The following PARL variants were observed in gnomAD, a reference collection of about 807,000 sequenced individuals.
The protein encoded by PARL is presenilin associated rhomboid like.
In PARL, 44 loss-of-function variants were observed where a neutral mutation model predicts 51.6. That is an observed-to-expected ratio of 0.85 (90% CI 0.67 to 1.10). The LOEUF is 1.10. Ranked by LOEUF, PARL falls within the 50% of genes least tolerant of loss-of-function variation. PARL has a pLI of 0.00. For missense variants in PARL, 441 were observed against 469.5 expected (o/e 0.94, Z 0.56); for synonymous variants, 172 against 164.0 (o/e 1.05, Z -0.37).
At chr3:183,880,547 G>A (rs570518315) in intron 1 of PARL, among the ~76,000 whole-genome samples, 59 of 151,744 alleles carry the variant, frequency 3.9e-4, no homozygotes, top group Middle Eastern at 6.8e-3. Context: ...GATTACAGGC[G>A]CCTGCCACCA....
At position 183,878,777 on chromosome 3, in the gene PARL, G is replaced by A. The variant is rs528408026; in HGVS notation, c.125+5945C>T. 9.2e-5 allele frequency among the ~76,000 whole-genome samples: 14 copies of A among 152,236 alleles called. No homozygotes were observed. In the South Asian group the frequency reaches 1.5e-3, roughly 16 times the overall value. ...TGAGATTTTGCATATCTAAACAAGC[G>A]CCTAAATTAGGGGTTGTCAAACTGC... On this transcript the variant is annotated intron_variant, in intron 1 of 9. Transcript: ENST00000317096.
At chr3:183,874,411 C>CT (rs71629997) in intron 1 of PARL, among the ~76,000 whole-genome samples, 76,345 of 140,850 alleles carry the variant, frequency 0.54, 20,915 homozygotes, top group Middle Eastern at 0.6. Flanking sequence ...TAGAAATAAT[C>CT]TTTTTTTTTT....
chr3:183,855,870 G>T (rs1046175874), intron 4 of PARL, among the ~76,000 whole-genome samples: 1 of 150,698 alleles, frequency 6.6e-6, no homozygotes, highest in South Asian at 2.1e-4. Context: ...TAAGGCAGGA[G>T]AATCACCTGA....
chr3:183,829,567 C>T lies in PARL; in HGVS notation c.*31G>A, dbSNP rs754728610. ...TCCTGGGGCTCTCAGGCGGCAAGGA[C>T]CAGATGCACCACTACTGTCCAATCC... On this transcript the variant is annotated 3_prime_UTR_variant, in exon 10 of 10. Transcript: ENST00000317096. 6.6e-5 allele frequency: 106 copies of T among 1,614,188 alleles called. No individual in the cohort carries two copies. In the Middle Eastern group the frequency reaches 3.0e-3, roughly 45 times the overall value.
chr3:183,833,882 T>C (rs1728248645), intron 7 of PARL, 57 bp from the exon 8 acceptor site: 1 of 1,068,290 alleles, frequency 9.4e-7, no homozygotes, highest in Non-Finnish European at 1.5e-6. Context: ...GCTTAGTGGC[T>C]ACAAGGTCTA....
At position 183,884,766 on chromosome 3, in the gene PARL, C is replaced by G. The variant is rs772952955; in HGVS notation, c.81G>C (p.Glu27Asp). 1.9e-6 allele frequency: 3 copies of G among 1,582,578 alleles called. No homozygotes were observed. Among genetic ancestry groups the G allele is most frequent in the Non-Finnish European group, 1.7e-6 (2 of 1,169,142 alleles). Reference protein sequence around the residue: ...WGASVGGRSCEELTAVLTPPQ... With the variant: ...WGASVGGRSCDELTAVLTPPQ... ...GCGGGGTTAGGACCGCAGTGAGCTC[C>G]TCGCAGCTGCGGCCGCCCACCGACG... The change falls in exon 1 of 10, where the codon GAG (glutamate) becomes GAC (aspartate). Residue 27 changes from glutamate (E) to aspartate (D), a missense_variant. Transcript: ENST00000317096.
chr3:183,840,693 C>CTTTTT, intron 6 of PARL, 53 bp from the exon 7 acceptor site: 1 of 736,736 alleles, frequency 1.4e-6, no homozygotes, highest in Non-Finnish European at 2.2e-6. Context: ...AAATGGTTTA[C>CTTTTT]TTTTTTTTTT....
intron 1 of PARL, among the ~76,000 whole-genome samples, chr3:183,882,359 GCACATATATACACA>G (rs1201930118): frequency 2.4e-5 from 3 of 125,928 alleles, no homozygotes; most frequent in Non-Finnish European, 4.9e-5. Flanking sequence ...ATACATATAT[GCACATATATACACA>G]CACATATATA....
chr3:183,863,728 C>T (rs935138349), intron 3 of PARL, among the ~76,000 whole-genome samples: 4 of 152,198 alleles, frequency 2.6e-5, no homozygotes, highest in Admixed American at 2.6e-4. Flanking sequence ...TATGAGCCGC[C>T]CCGGCCGATT....
chr3:183,866,260 T>A (rs190230540), intron 3 of PARL, among the ~76,000 whole-genome samples: 3 of 152,334 alleles, frequency 2.0e-5, no homozygotes, highest in African/African-American at 7.2e-5. Context: ...ACACCAGATA[T>A]ATAAAACAGT....
chr3:183,829,491 T>C lies in PARL; in HGVS notation c.*107A>G. Reference sequence around the variant, plus strand: ...CAGCTGAAAACAGTGGGAGGCCAGATGCTGGCATCTTCCAGACGGGAGCAT... The same window carrying C: ...CAGCTGAAAACAGTGGGAGGCCAGACGCTGGCATCTTCCAGACGGGAGCAT... On this transcript the variant is annotated 3_prime_UTR_variant, in exon 10 of 10. Transcript: ENST00000317096. 1.9e-6 allele frequency: 3 copies of C among 1,611,062 alleles called. No homozygotes were observed. Among genetic ancestry groups the C allele is most frequent in the Non-Finnish European group, 2.5e-6 (3 of 1,178,892 alleles).
intron 1 of PARL, among the ~76,000 whole-genome samples, chr3:183,879,104 G>A (rs1319785223): frequency 1.4e-4 from 21 of 152,126 alleles, no homozygotes; most frequent in Admixed American, 1.4e-3. Flanking sequence ...ACCAAATAAA[G>A]AATTCCAATA....
intron 5 of PARL, chr3:183,843,108 T>G: frequency 1.6e-6 from 1 of 616,182 alleles, no homozygotes. Context: ...GGTCTCGAAC[T>G]CCTGAGCTCA....
chr3:183,828,825 A>C (rs1227588118), downstream of PARL, among the ~76,000 whole-genome samples: 1 of 152,230 alleles, frequency 6.6e-6, no homozygotes, highest in East Asian at 1.9e-4. Flanking sequence ...AATGACTTCA[A>C]GAAGAACATA....
Position 183,884,755 on chromosome 3 carries a change from G to A in PARL, c.92C>T (p.Ala31Val). ...GAGGAGCTGCGGCGGGGTTAGGACCGCAGTGAGCTCCTCGCAGCTGCGGCC... is the reference window on the plus strand; with the variant it reads ...GAGGAGCTGCGGCGGGGTTAGGACCACAGTGAGCTCCTCGCAGCTGCGGCC... Reference protein sequence around the residue: ...VGGRSCEELTAVLTPPQLLGR... With the variant: ...VGGRSCEELTVVLTPPQLLGR... Residue 31 changes from alanine (A) to valine (V), a missense_variant, in exon 1 of 10, where the codon GCG (alanine) becomes GTG (valine). Transcript: ENST00000317096. 1 of 1,579,298 alleles carries A rather than the reference G, an allele frequency of 6.3e-7. No individual in the cohort carries two copies.
At chr3:183,835,588 C>T (rs978856212) in intron 7 of PARL, among the ~76,000 whole-genome samples, 13 of 152,128 alleles carry the variant, frequency 8.5e-5, no homozygotes, top group African/African-American at 2.7e-4. Flanking sequence ...TAATTGTAGC[C>T]GGGCACGGTG....
In PARL at chr3:183,829,533, G is replaced by A; in HGVS notation, c.*65C>T. On this transcript the variant is annotated 3_prime_UTR_variant, in exon 10 of 10. Coordinates refer to ENST00000317096, the MANE Select transcript of PARL (RefSeq NM_018622.7). Reference sequence around the variant, plus strand: ...CGGGAGCATAGCCATGGTCACTCTAGCCGATGTCTCCTGGGGCTCTCAGGC... The same window carrying A: ...CGGGAGCATAGCCATGGTCACTCTAACCGATGTCTCCTGGGGCTCTCAGGC... 2 of 1,613,902 alleles carry A rather than the reference G, an allele frequency of 1.2e-6. No individual in the cohort carries two copies. The highest frequency in any genetic ancestry group is 1.7e-6 in the Non-Finnish European group (2 of 1,180,010).
chr3:183,876,393 A>G (rs539159927), intron 1 of PARL, among the ~76,000 whole-genome samples: 15 of 152,176 alleles, frequency 9.9e-5, no homozygotes, highest in Admixed American at 2.6e-4. Flanking sequence ...AATGCTGAGA[A>G]AAAAAGATTC....
chr3:183,827,805 T>C (rs774790800), downstream of PARL, among the ~76,000 whole-genome samples: 1 of 152,138 alleles, frequency 6.6e-6, no homozygotes, highest in Non-Finnish European at 1.5e-5. Context: ...ACACATTTAC[T>C]AAGAGTACAG....
Sources: gnomAD v4.1 joint callset for allele counts (sites outside exome capture counted in the v4.1 genomes callset) on GRCh38, gnomAD v4.1.1 for gene constraint, MANE v1.5 for transcripts, NCBI Gene and HGNC (gene_info 2026-07-23, HGNC 2026-07-21) for gene names.